The following HTR7 variants were observed in gnomAD, a reference collection of about 807,000 sequenced individuals.
HTR7 encodes the protein 5-HT-7.
Under a neutral mutation model 34.0 loss-of-function variants are expected in HTR7, and 16 were observed. The observed-to-expected ratio is 0.47, with a 90% CI of 0.32 to 0.71. The LOEUF is 0.71. Ranked by LOEUF, HTR7 falls within the 30% of genes least tolerant of loss-of-function variation. The probability of loss-of-function intolerance (pLI) is 0.04; values close to 1 mark genes in which losing one functional copy is unlikely to be tolerated. For missense variants in HTR7, 504 were observed against 625.5 expected (o/e 0.81, Z 2.07); for synonymous variants, 265 against 260.2 (o/e 1.02, Z -0.18).
chr10:90,820,541 A>G (rs1388198371), intron 1 of HTR7, among the ~76,000 whole-genome samples: 1 of 152,216 alleles, frequency 6.6e-6, no homozygotes, highest in Non-Finnish European at 1.5e-5. Context: ...GAATCAAAAG[A>G]ACTAAAAATG....
intron 1 of HTR7, among the ~76,000 whole-genome samples, chr10:90,828,456 T>C (rs1488161642): frequency 1.3e-5 from 2 of 152,008 alleles, no homozygotes; most frequent in Non-Finnish European, 2.9e-5. Flanking sequence ...TTGACAAACC[T>C]TTAGCCAAAC....
At chr10:90,743,017 A>C (rs898569814) in intron 3 of HTR7, among the ~76,000 whole-genome samples, 2 of 152,140 alleles carry the variant, frequency 1.3e-5, no homozygotes, top group Non-Finnish European at 2.9e-5. Flanking sequence ...GTGATAGAGA[A>C]GTGTCAGCCA....
At chr10:90,829,006 C>A (rs1846124311) in intron 1 of HTR7, among the ~76,000 whole-genome samples, 1 of 152,038 alleles carries the variant, frequency 6.6e-6, no homozygotes. Flanking sequence ...TCAAAAAAAT[C>A]TTGCAAACCA....
chr10:90,799,414 G>A (rs954482508), intron 1 of HTR7, among the ~76,000 whole-genome samples: 5 of 152,166 alleles, frequency 3.3e-5, no homozygotes, highest in African/African-American at 1.2e-4. Context: ...ATAAAAGCCT[G>A]GGGTGAGAGC....
intron 1 of HTR7, among the ~76,000 whole-genome samples, chr10:90,831,488 G>A (rs1269396756): frequency 6.6e-6 from 1 of 152,228 alleles, no homozygotes; most frequent in Non-Finnish European, 1.5e-5. Flanking sequence ...CATAAAAGCA[G>A]TGTGGACCCA....
At chr10:90,824,167 T>C (rs1288253372) in intron 1 of HTR7, among the ~76,000 whole-genome samples, 1 of 152,208 alleles carries the variant, frequency 6.6e-6, no homozygotes, top group African/African-American at 2.4e-5. Flanking sequence ...TGTCTTGCAA[T>C]TTGGATATCA....
At chr10:90,816,383 T>A (rs1052641197) in intron 1 of HTR7, among the ~76,000 whole-genome samples, 1 of 152,218 alleles carries the variant, frequency 6.6e-6, no homozygotes, top group African/African-American at 2.4e-5. Context: ...TCATTTCTTT[T>A]TAGTAAAAAA....
intron 1 of HTR7, among the ~76,000 whole-genome samples, chr10:90,785,333 T>C (rs576324134): frequency 6.6e-6 from 1 of 151,968 alleles, no homozygotes; most frequent in Admixed American, 6.6e-5. Flanking sequence ...ACATCAAAAG[T>C]GTTTGATCAC....
Position 90,742,419 on chromosome 10 carries a change from A to G in HTR7, c.*63T>C, listed in dbSNP as rs1844566661. On this transcript the variant is annotated 3_prime_UTR_variant, in exon 4 of 4. Transcript: ENST00000336152. The stretch of plus-strand genomic sequence containing the variant: ...TGCATTCCATTCTGCAGACTCAGCA[A>G]ATGACTTCCTTCTGTTTCCACCTCT... 2 of 1,305,824 alleles carry G rather than the reference A, an allele frequency of 1.5e-6. No individual in the cohort carries two copies. Among genetic ancestry groups the G allele is most frequent in the Middle Eastern group, 2.0e-4 (1 of 4,902 alleles). The allele number at this position is 1,305,824 out of a possible 1,614,324, so 80.9% of individuals were successfully genotyped here. A position where few individuals can be genotyped will look rare whatever the true frequency, so the allele number is the denominator to read the frequency against.
rs143794153 is a variant in HTR7, at chr10:90,803,032, T to C, written c.540-53438A>G. Among the ~76,000 whole-genome samples the C allele has an allele frequency of 2.0e-3, 284 of 143,938 alleles. 1 individual carries two copies. The highest frequency in any genetic ancestry group is 6.9e-3 in the African/African-American group (265 of 38,562). The allele number at this position is 143,938 out of a possible 152,430, so 94.4% of individuals were successfully genotyped here. On this transcript the variant is annotated intron_variant, in intron 1 of 3. Coordinates refer to ENST00000336152, the MANE Select transcript of HTR7 (RefSeq NM_019859.4). ...TTTTTTTTTTTTGCTGTCTTTGGTG[T>C]CATTCTGTTACCAGCAGCAGATCCA...
At chr10:90,800,287 A>G (rs1170135518) in intron 1 of HTR7, among the ~76,000 whole-genome samples, 2 of 152,184 alleles carry the variant, frequency 1.3e-5, no homozygotes, top group Non-Finnish European at 2.9e-5. Flanking sequence ...GCTCATGGTA[A>G]TCTACCCAAG....
intron 1 of HTR7, among the ~76,000 whole-genome samples, chr10:90,807,539 C>T (rs933401643): frequency 6.6e-6 from 1 of 152,182 alleles, no homozygotes; most frequent in Non-Finnish European, 1.5e-5. Flanking sequence ...ACCTTGCAAC[C>T]CCTACGCCTG....
intron 1 of HTR7, among the ~76,000 whole-genome samples, chr10:90,809,958 C>G (rs576296450): frequency 1.3e-5 from 2 of 152,288 alleles, no homozygotes; most frequent in South Asian, 4.1e-4. Flanking sequence ...CTTCGGGTAA[C>G]CTTCACAGTG....
chr10:90,748,987 T>C lies in HTR7; in HGVS notation c.1147A>G (p.Ile383Val). Residue 383 changes from isoleucine to valine, a missense_variant, in exon 2 of 4, where the codon ATA becomes GTA. By Grantham distance (29) the Ile-to-Val change is conservative. This residue lies in a region of HTR7 where 154 missense variants were observed against 212.1 expected (regional missense o/e 0.73). Coordinates refer to ENST00000336152, the MANE Select transcript of HTR7 (RefSeq NM_019859.4). ...GYANSLINPF[I>V]YAFFNRDLRT... ...AGGTCCCGGTTGAAGAAGGCATATATAAAAGGGTTAATGAGAGAGTTTGCA... is the reference window on the plus strand; with the variant it reads ...AGGTCCCGGTTGAAGAAGGCATATACAAAAGGGTTAATGAGAGAGTTTGCA... 2 of 1,613,960 alleles carry C rather than the reference T, an allele frequency of 1.2e-6. No homozygotes were observed. Among genetic ancestry groups the C allele is most frequent in the Non-Finnish European group, 1.7e-6 (2 of 1,179,976 alleles).
intron 1 of HTR7, among the ~76,000 whole-genome samples, chr10:90,810,391 C>A (rs1845787155): frequency 6.6e-6 from 1 of 152,112 alleles, no homozygotes; most frequent in Non-Finnish European, 1.5e-5. Context: ...AATCTAATCA[C>A]CCTTACCCCA....
chr10:90,841,330 T>G (rs1249688732), intron 1 of HTR7, among the ~76,000 whole-genome samples: 2 of 152,232 alleles, frequency 1.3e-5, no homozygotes, highest in Non-Finnish European at 2.9e-5. Flanking sequence ...CTATTGGTAC[T>G]ATAACAAGTT....
chr10:90,811,108 C>T (rs994678150), intron 1 of HTR7, among the ~76,000 whole-genome samples: 25 of 152,144 alleles, frequency 1.6e-4, no homozygotes, highest in South Asian at 1.0e-3. Context: ...CCAACCCGAG[C>T]GCTCCCTGAC....
chr10:90,802,995 C>CTTTT (rs1554855564), intron 1 of HTR7, among the ~76,000 whole-genome samples: 2 of 124,670 alleles, frequency 1.6e-5, no homozygotes, highest in Non-Finnish European at 3.4e-5. Context: ...CCATTTGTGG[C>CTTTT]CTTTTTTTTT....
intron 1 of HTR7, among the ~76,000 whole-genome samples, chr10:90,849,852 G>A (rs538363325): frequency 2.8e-4 from 42 of 152,290 alleles, no homozygotes; most frequent in African/African-American, 9.4e-4. Context: ...TGCACGCTAT[G>A]ATGCCCGAAA....
Sources: allele counts gnomAD v4.1 joint callset (sites outside exome capture counted in the v4.1 genomes callset), GRCh38; gene constraint gnomAD v4.1.1; regional missense constraint gnomAD v4.1.1; transcripts MANE v1.5; gene names NCBI Gene and HGNC (gene_info 2026-07-23, HGNC 2026-07-21).